The following CERS3 variants were observed in gnomAD, a reference collection of about 807,000 sequenced individuals.
CERS3 encodes the protein ceramide synthase 3, also known as LAG1 homolog, ceramide synthase 3.
A neutral mutation model predicts 50.3 loss-of-function variants in CERS3; 33 were observed. The ratio of observed to expected loss-of-function variants is 0.66; its 90% confidence interval spans 0.50 to 0.88. The LOEUF (loss-of-function observed/expected upper bound fraction) is 0.88, where lower values mean the gene tolerates loss of function less well. Ranked by LOEUF, CERS3 falls within the 40% of genes least tolerant of loss-of-function variation. The pLI, the probability that CERS3 is intolerant of heterozygous loss-of-function variation, is 0.00. For missense variants in CERS3, 470 were observed against 460.3 expected, an observed-to-expected ratio of 1.02 and a Z score of -0.19; for synonymous variants, 176 against 155.2, an observed-to-expected ratio of 1.13 and a Z score of -0.99.
At chr15:100,501,002 A>G (rs1410422081) in intron 3 of CERS3, among the ~76,000 whole-genome samples, 4 of 152,226 alleles carry the variant, frequency 2.6e-5, no homozygotes, top group Non-Finnish European at 4.4e-5. Flanking sequence ...AGTCAACAAC[A>G]GAGATTATAG....
At chr15:100,436,393 G>A (rs1480347332) in intron 11 of CERS3, among the ~76,000 whole-genome samples, 1 of 152,142 alleles carries the variant, frequency 6.6e-6, no homozygotes, top group Non-Finnish European at 1.5e-5. Flanking sequence ...AACACTGCCT[G>A]TTCTCACTCG....
chr15:100,481,713 A>C (rs1043111762), intron 5 of CERS3, among the ~76,000 whole-genome samples: 2 of 152,260 alleles, frequency 1.3e-5, no homozygotes, highest in African/African-American at 4.8e-5. Context: ...ATTGAAGCTA[A>C]GAAAGATCAT....
At chr15:100,415,564 A>G (rs994218662) in intron 11 of CERS3, among the ~76,000 whole-genome samples, 2 of 152,136 alleles carry the variant, frequency 1.3e-5, no homozygotes, top group Non-Finnish European at 2.9e-5. Context: ...ATGATAGATT[A>G]GATAAAGAAA....
intron 1 of CERS3, among the ~76,000 whole-genome samples, chr15:100,535,623 G>A (rs561718066): frequency 6.0e-5 from 9 of 150,120 alleles, no homozygotes; most frequent in South Asian, 4.3e-4. Flanking sequence ...ATGTAAGCAC[G>A]ATTAGAAGTA....
chr15:100,516,892 C>A (rs1441415986), intron 2 of CERS3, among the ~76,000 whole-genome samples: 3 of 152,220 alleles, frequency 2.0e-5, no homozygotes, highest in Admixed American at 6.5e-5. Context: ...CCAACCTCAG[C>A]AAACAAGAGT....
At chr15:100,472,837 G>T in intron 9 of CERS3, 87 bp downstream of exon 9, 1 of 1,515,878 alleles carries the variant, frequency 6.6e-7, no homozygotes, top group Non-Finnish European at 9.1e-7. Context: ...ACAGAGCTCT[G>T]CTAAATTGCT....
intron 4 of CERS3, among the ~76,000 whole-genome samples, chr15:100,490,329 C>T (rs1035517205): frequency 6.6e-6 from 1 of 152,094 alleles, no homozygotes; most frequent in Non-Finnish European, 1.5e-5. Flanking sequence ...AGTCGGGGCA[C>T]AGCATATTTC....
chr15:100,469,546 T>A, intron 9 of CERS3, 62 bp from the exon 10 acceptor site: 1 of 1,199,034 alleles, frequency 8.3e-7, no homozygotes, highest in Non-Finnish European at 1.2e-6. Flanking sequence ...AAGTTAAATT[T>A]ATAAATGAAA....
chr15:100,528,507 C>T (rs1224143325), intron 1 of CERS3, among the ~76,000 whole-genome samples: 2 of 152,176 alleles, frequency 1.3e-5, no homozygotes, highest in South Asian at 2.1e-4. Flanking sequence ...AGTTTAAACT[C>T]GCCCGAGAGC....
Position 100,443,357 on chromosome 15 carries a change from A to G in CERS3, c.999+12536T>C, listed in dbSNP as rs572799329. 1.5e-3 allele frequency among the ~76,000 whole-genome samples: 230 copies of G among 150,648 alleles called. No homozygotes were observed. The East Asian group carries it at 0.042, about 27-fold the overall frequency. On this transcript the variant is annotated intron_variant, in intron 11 of 11. Transcript: ENST00000679737. ...GCTACAGCATGGCCTTTTAAAGCCTATAAACTCTCCTTACAATTCCCCCAT... is the reference window on the plus strand; with the variant it reads ...GCTACAGCATGGCCTTTTAAAGCCTGTAAACTCTCCTTACAATTCCCCCAT...
chr15:100,534,289 A>C (rs1009033309), intron 1 of CERS3, among the ~76,000 whole-genome samples: 1 of 152,164 alleles, frequency 6.6e-6, no homozygotes, highest in African/African-American at 2.4e-5. Flanking sequence ...GTGTGACTCC[A>C]GACAAGTCAC....
At chr15:100,417,806 C>A (rs1039028233) in intron 11 of CERS3, among the ~76,000 whole-genome samples, 3 of 151,766 alleles carry the variant, frequency 2.0e-5, no homozygotes, top group Non-Finnish European at 4.4e-5. Flanking sequence ...GAGAGGCACC[C>A]CCCAGCAAGG....
At chr15:100,442,378 C>T (rs949027752) in intron 11 of CERS3, among the ~76,000 whole-genome samples, 28 of 152,196 alleles carry the variant, frequency 1.8e-4, no homozygotes, top group Non-Finnish European at 2.9e-4. Flanking sequence ...TAATTAACCT[C>T]GCCTTCAAGG....
chr15:100,490,329 C>A (rs1035517205), intron 4 of CERS3, among the ~76,000 whole-genome samples: 1 of 152,094 alleles, frequency 6.6e-6, no homozygotes, highest in Non-Finnish European at 1.5e-5. Context: ...AGTCGGGGCA[C>A]AGCATATTTC....
chr15:100,496,733 A>C (rs1448195842), intron 3 of CERS3, among the ~76,000 whole-genome samples: 1 of 152,192 alleles, frequency 6.6e-6, no homozygotes, highest in East Asian at 1.9e-4. Context: ...AGTTCTGACA[A>C]AGGTACTATC....
intron 9 of CERS3, 88 bp from the exon 10 acceptor site, chr15:100,469,572 GATT>G: frequency 1.1e-6 from 1 of 940,892 alleles, no homozygotes; most frequent in African/African-American, 1.7e-5. Flanking sequence ...TGAGGTCTGG[GATT>G]TGCTTCAAAA....
intron 1 of CERS3, among the ~76,000 whole-genome samples, chr15:100,542,724 T>C (rs2037230432): frequency 6.6e-6 from 1 of 152,178 alleles, no homozygotes. Flanking sequence ...ATTTTAAGAA[T>C]GTAATTCACA....
chr15:100,541,273 AC>A (rs2037196074), intron 1 of CERS3, among the ~76,000 whole-genome samples: 1 of 152,166 alleles, frequency 6.6e-6, no homozygotes, highest in Non-Finnish European at 1.5e-5. Flanking sequence ...GGAGTTTGAG[AC>A]CAGCCTGACC....
intron 10 of CERS3, among the ~76,000 whole-genome samples, chr15:100,463,370 G>T (rs574697375): frequency 6.8e-6 from 1 of 146,884 alleles, no homozygotes; most frequent in Non-Finnish European, 1.5e-5. Context: ...GGGAAGCAGA[G>T]GTTGCAGTGA....
Sources: gnomAD v4.1 joint callset for allele counts (sites outside exome capture counted in the v4.1 genomes callset) on GRCh38, gnomAD v4.1.1 for gene constraint, MANE v1.5 for transcripts, NCBI Gene and HGNC (gene_info 2026-07-23, HGNC 2026-07-21) for gene names.